Variants in HHAT observed in about 807,000 individuals in gnomAD.
HHAT encodes protein-cysteine N-palmitoyltransferase HHAT.
In HHAT, 47 loss-of-function variants were observed where a neutral mutation model predicts 70.8. The observed-to-expected ratio is 0.66, with a 90% CI of 0.53 to 0.85. The LOEUF is 0.85. Ranked by LOEUF, HHAT falls within the 40% of genes least tolerant of loss-of-function variation. The pLI, the probability that HHAT is intolerant of heterozygous loss-of-function variation, is 0.00. For missense variants in HHAT, 609 were observed against 604.8 expected (o/e 1.01, Z -0.07); for synonymous variants, 228 against 247.6 (o/e 0.92, Z 0.74).
chr1:210,466,887 C>G (rs1019635061), intron 8 of HHAT, among the ~76,000 whole-genome samples: 1 of 151,992 alleles, frequency 6.6e-6, no homozygotes, highest in African/African-American at 2.4e-5. Context: ...TAGTTGAGAC[C>G]CCAGGCTGCT....
chr1:210,402,688 C>G (rs2092136428), intron 5 of HHAT, among the ~76,000 whole-genome samples: 1 of 152,290 alleles, frequency 6.6e-6, no homozygotes, highest in Non-Finnish European at 1.5e-5. Flanking sequence ...ATCCCTTCCT[C>G]TAACCCCCTA....
At chr1:210,432,167 A>G (rs2093264978) in intron 7 of HHAT, among the ~76,000 whole-genome samples, 1 of 151,840 alleles carries the variant, frequency 6.6e-6, no homozygotes, top group African/African-American at 2.4e-5. Context: ...GAGATTGGCA[A>G]TGGAGACAGG....
rs575976316 is a variant in HHAT, at chr1:210,578,401, A to G, written c.1044-9497A>G. Among the ~76,000 whole-genome samples the G allele has an allele frequency of 5.3e-4, 81 of 152,314 alleles. 1 individual carries two copies. Among genetic ancestry groups the G allele is most frequent in the East Asian group, 1.9e-3 (10 of 5,176 alleles). ...CTTGTACATTGTTGGTACAGCCACT[A>G]TGGAAAACAGTATGGAGATTCCTTA... is the stretch of plus-strand genomic sequence containing the variant. On this transcript the variant is annotated intron_variant, in intron 9 of 11. Coordinates refer to ENST00000261458, the MANE Select transcript of HHAT (RefSeq NM_018194.6).
chr1:210,337,295 T>C (rs2085588006), intron 1 of HHAT, among the ~76,000 whole-genome samples: 1 of 152,240 alleles, frequency 6.6e-6, no homozygotes, highest in Non-Finnish European at 1.5e-5. Context: ...AAAAACAATC[T>C]GTTTTCTATA....
rs60935759 is a variant in HHAT at position 210,374,272 on chromosome 1, C to G, written c.159+11353C>G. ...GATCTGAAGAGAAACCAGTGTAATG[C>G]TACAAATTAGTTCAACTCATTGTTG... On this transcript the variant is annotated intron_variant, in intron 3 of 11. Transcript: ENST00000261458. 10 of 151,808 alleles carry G rather than the reference C, an allele frequency of 6.6e-5. No homozygotes were observed. The South Asian group carries it at 1.4e-3, about 22-fold the overall frequency. The allele number at this position is 151,808 out of a possible 1,614,324, so 9.4% of individuals were successfully genotyped here. A position where few individuals can be genotyped will look rare whatever the true frequency, so the allele number is the denominator to read the frequency against.
rs182131214 is a variant in HHAT at position 210,514,342 on chromosome 1, G to A, written c.1043+1154G>A. ...TAGTAGTGTGTGAACTGCTATCTTCGACACAGCAAGGATAAATACATTTTA... is the reference window on the plus strand; with the variant it reads ...TAGTAGTGTGTGAACTGCTATCTTCAACACAGCAAGGATAAATACATTTTA... On this transcript the variant is annotated intron_variant, in intron 9 of 11. Coordinates refer to ENST00000261458, the MANE Select transcript of HHAT (RefSeq NM_018194.6). Among the ~76,000 whole-genome samples the A allele has an allele frequency of 3.9e-3, 595 of 152,242 alleles. 14 individuals carry two copies. Among genetic ancestry groups the A allele is most frequent in the South Asian group, 8.7e-3 (42 of 4,822 alleles).
At chr1:210,630,672 GCA>G (rs896655348) in intron 11 of HHAT, among the ~76,000 whole-genome samples, 2 of 152,162 alleles carry the variant, frequency 1.3e-5, no homozygotes, top group African/African-American at 4.8e-5. Context: ...TTCAGGTGGG[GCA>G]CACCCCGTAT....
chr1:210,328,848 C>A (rs761834099), upstream of HHAT: 9 of 427,968 alleles, frequency 2.1e-5, no homozygotes, highest in Middle Eastern at 6.3e-4. Context: ...ACGGCCTGCT[C>A]GCCATCGCCC....
chr1:210,437,958 A>G (rs2093418300), intron 7 of HHAT, among the ~76,000 whole-genome samples: 1 of 151,780 alleles, frequency 6.6e-6, no homozygotes, highest in African/African-American at 2.4e-5. Flanking sequence ...CTTTGGGGCC[A>G]TCTCACATAT....
In HHAT at chr1:210,404,667, G is replaced by C. The variant is rs965938188; in HGVS notation, c.672G>C (p.Glu224Asp). The change falls in exon 6 of 12, where the codon GAG becomes GAC. Residue 224 changes from glutamate (E) to aspartate (D), a missense_variant. Physicochemically the swap from Glu to Asp is conservative, Grantham distance 45 (BLOSUM62 2). Transcript: ENST00000261458. ...LHNGPILSFS[E>D]FIKQMQQQEH... ...ATGGGCCCATCCTCAGCTTCTCGGA[G>C]TTCATCAAACAGGTAGAGCCCGCTG... 3 of 1,613,660 alleles carry C rather than the reference G, an allele frequency of 1.9e-6. No homozygotes were observed. The highest frequency in any genetic ancestry group is 1.7e-5 in the Admixed American group (1 of 60,022).
intron 9 of HHAT, among the ~76,000 whole-genome samples, chr1:210,526,528 G>C (rs1300781634): frequency 6.6e-6 from 1 of 152,056 alleles, no homozygotes; most frequent in Non-Finnish European, 1.5e-5. Flanking sequence ...TTTTGCATCA[G>C]TAACAGAAGC....
intron 10 of HHAT, among the ~76,000 whole-genome samples, chr1:210,598,562 C>T (rs894875073): frequency 8.5e-5 from 13 of 152,176 alleles, no homozygotes; most frequent in Admixed American, 2.6e-4. Context: ...GTCCCCTCCA[C>T]AGGCACTGGG....
At chr1:210,673,164 C>A (rs532505682) in intron 11 of HHAT, among the ~76,000 whole-genome samples, 2 of 152,140 alleles carry the variant, frequency 1.3e-5, no homozygotes, top group South Asian at 2.1e-4. Flanking sequence ...GCTGCTGGCG[C>A]CTTCCTGTCT....
chr1:210,467,955 T>C (rs1009713660), intron 8 of HHAT, among the ~76,000 whole-genome samples: 2 of 152,040 alleles, frequency 1.3e-5, no homozygotes, highest in Non-Finnish European at 2.9e-5. Flanking sequence ...AGAGAGAAAA[T>C]CTTCCTTGCC....
chr1:210,504,735 G>A (rs759511348), intron 8 of HHAT, among the ~76,000 whole-genome samples: 15 of 152,184 alleles, frequency 9.9e-5, no homozygotes, highest in East Asian at 1.9e-4. Flanking sequence ...TGTTTTCACC[G>A]TGTTTGTTCT....
chr1:210,512,662 C>T (rs576263694), intron 8 of HHAT, among the ~76,000 whole-genome samples: 49 of 124,624 alleles, frequency 3.9e-4, no homozygotes, highest in African/African-American at 1.5e-3. Context: ...CAAAGGAAGA[C>T]CTTGTCTCAA....
At position 210,675,937 on chromosome 1, in the gene HHAT, A is replaced by T. The variant is rs1574168378; in HGVS notation, c.*1558A>T. 1 of 152,204 alleles carries T rather than the reference A, an allele frequency of 6.6e-6. No homozygotes were observed. The highest frequency in any genetic ancestry group is 1.9e-4 in the East Asian group (1 of 5,198). 9.4% of individuals were successfully genotyped at this position (152,204 alleles called of 1,614,324 possible). A position where few individuals can be genotyped will look rare whatever the true frequency, so the allele number is the denominator to read the frequency against. On this transcript the variant is annotated 3_prime_UTR_variant, in exon 12 of 12. Coordinates refer to ENST00000261458, the MANE Select transcript of HHAT (RefSeq NM_018194.6). ...TAGGAGGGGATGAGCCTCAGGGAGG[A>T]GTGAGCACCTAAATGAACGCAGTAA...
intron 3 of HHAT, among the ~76,000 whole-genome samples, chr1:210,367,095 A>G (rs4845008): frequency 0.29 from 43,656 of 152,184 alleles, 6,766 homozygotes; most frequent in Admixed American, 0.37. Context: ...CAAATGAACA[A>G]TGGCCACAGA....
chr1:210,441,730 T>G (rs995275290), intron 7 of HHAT, among the ~76,000 whole-genome samples: 15 of 152,086 alleles, frequency 9.9e-5, no homozygotes, highest in Admixed American at 8.5e-4. Context: ...CAATTTGTAA[T>G]TAAGAGCAAC....
Sources: allele counts gnomAD v4.1 joint callset (sites outside exome capture counted in the v4.1 genomes callset), GRCh38; gene constraint gnomAD v4.1.1; transcripts MANE v1.5; gene names NCBI Gene and HGNC (gene_info 2026-07-23, HGNC 2026-07-21).